Variants in CEP83 observed in about 807,000 individuals in gnomAD.
CEP83 encodes the protein centrosomal protein 83.
CEP83 carries 70 observed loss-of-function variants against 101.9 expected under a neutral mutation model. That is an observed-to-expected ratio of 0.69 (90% confidence interval 0.57 to 0.84). The LOEUF (loss-of-function observed/expected upper bound fraction) is 0.84, where lower values mean the gene tolerates loss of function less well. Ranked by LOEUF, CEP83 falls within the 40% of genes least tolerant of loss-of-function variation. The probability of loss-of-function intolerance (pLI) is 0.00; values close to 1 mark genes in which losing one functional copy is unlikely to be tolerated. For synonymous variants in CEP83, 264 were observed against 267.9 expected (o/e 0.99, Z 0.14); for missense variants, 715 against 787.2 (o/e 0.91, Z 1.10).
chr12:94,435,720 C>G (rs900698988), intron 1 of CEP83, among the ~76,000 whole-genome samples: 1 of 152,208 alleles, frequency 6.6e-6, no homozygotes, highest in Non-Finnish European at 1.5e-5. Flanking sequence ...CAGAACAACT[C>G]TGTTCCAACG....
chr12:94,328,484 A>G (rs57041686), intron 14 of CEP83, among the ~76,000 whole-genome samples: 16,340 of 152,206 alleles, frequency 0.11, 1,087 homozygotes, highest in Non-Finnish European at 0.14. Flanking sequence ...AGCAACTCCA[A>G]AGGATTATTT....
At chr12:94,457,591 C>T (rs2067779028) in intron 1 of CEP83, among the ~76,000 whole-genome samples, 2 of 152,106 alleles carry the variant, frequency 1.3e-5, no homozygotes, top group Admixed American at 1.3e-4. Flanking sequence ...TTCATTACTT[C>T]AACATCAGCA....
At position 94,411,865 on chromosome 12, in the gene CEP83, G is replaced by T. The variant is rs2063904512; in HGVS notation, c.174-18C>A. 1 of 1,596,094 alleles carries T rather than the reference G, an allele frequency of 6.3e-7. No homozygotes were observed. Among genetic ancestry groups the T allele is most frequent in the Non-Finnish European group, 8.6e-7 (1 of 1,169,370 alleles). ...TCTGCAACCTGGTTTTTTTTAAAGA[G>T]AATTCAATTTTGAGTAAATCCTTTC... On this transcript the variant is annotated intron_variant, in intron 3 of 16. Coordinates refer to ENST00000397809, the MANE Select transcript of CEP83 (RefSeq NM_016122.3).
At chr12:94,298,602 C>G in the CEP83 span, 1 of 1,546,672 alleles carries the variant, frequency 6.5e-7, no homozygotes, top group Non-Finnish European at 8.7e-7. Context: ...AGTTTTTAAT[C>G]TCCCAAATCT....
the CEP83 span, among the ~76,000 whole-genome samples, chr12:94,291,492 A>G: frequency 6.6e-6 from 1 of 152,206 alleles, no homozygotes; most frequent in African/African-American, 2.4e-5. Flanking sequence ...TGGCTTCCCA[A>G]AGAGCTGGGA....
intron 7 of CEP83, among the ~76,000 whole-genome samples, chr12:94,376,702 C>T (rs926532333): frequency 3.4e-4 from 40 of 119,148 alleles, no homozygotes; most frequent in African/African-American, 1.1e-3. Flanking sequence ...CACACACACA[C>T]ACACACACAC....
intron 1 of CEP83, among the ~76,000 whole-genome samples, chr12:94,451,163 G>C (rs537128172): frequency 6.6e-6 from 1 of 152,004 alleles, no homozygotes; most frequent in South Asian, 2.1e-4. Context: ...TCAAATGCAC[G>C]GTTAATTCAA....
chr12:94,365,769 GA>G (rs766001301), intron 11 of CEP83, among the ~76,000 whole-genome samples: 3,706 of 70,720 alleles, frequency 0.052, 99 homozygotes, highest in African/African-American at 0.15. Flanking sequence ...GACTGTGTTT[GA>G]AAAAAAAAAA....
At chr12:94,415,809 A>G (rs2064224635) in intron 2 of CEP83, among the ~76,000 whole-genome samples, 1 of 152,160 alleles carries the variant, frequency 6.6e-6, no homozygotes, top group East Asian at 1.9e-4. Flanking sequence ...AAAAATAATC[A>G]GTAAGAACAC....
intron 1 of CEP83, among the ~76,000 whole-genome samples, chr12:94,439,249 C>G (rs1242961199): frequency 6.6e-6 from 1 of 152,040 alleles, no homozygotes; most frequent in Non-Finnish European, 1.5e-5. Flanking sequence ...AAAAAGCTGG[C>G]TCTTTGAAAA....
chr12:94,389,743 G>C (rs530595064), intron 6 of CEP83, among the ~76,000 whole-genome samples: 1 of 152,276 alleles, frequency 6.6e-6, no homozygotes, highest in Middle Eastern at 3.4e-3. Flanking sequence ...AGACTACCTG[G>C]AAAAACAGGA....
chr12:94,345,592 T>C (rs2059898282), intron 11 of CEP83, among the ~76,000 whole-genome samples: 1 of 152,076 alleles, frequency 6.6e-6, no homozygotes, highest in East Asian at 1.9e-4. Context: ...ACTAAAAATA[T>C]ACTCCAATCT....
chr12:94,267,249 A>G, the CEP83 span, among the ~76,000 whole-genome samples: 1 of 152,230 alleles, frequency 6.6e-6, no homozygotes, highest in Non-Finnish European at 1.5e-5. Flanking sequence ...AAAGGAGAAG[A>G]TGGGTTGGAA....
chr12:94,421,021 G>A (rs780442271), intron 2 of CEP83, among the ~76,000 whole-genome samples: 2 of 151,746 alleles, frequency 1.3e-5, no homozygotes, highest in Non-Finnish European at 2.9e-5. Flanking sequence ...ACATTGTTGT[G>A]TACTTTTCTA....
Position 94,334,886 on chromosome 12 carries a change from T to C in CEP83, c.1419+703A>G, listed in dbSNP as rs566488684. 1.2e-3 allele frequency among the ~76,000 whole-genome samples: 179 copies of C among 152,256 alleles called. 1 individual carries two copies. The South Asian group carries it at 0.017, about 15-fold the overall frequency. ...TTAATACCTCTCCATATGCATAGCA[T>C]GACAGAAAGCCCAAATGCCAATGAT... On this transcript the variant is annotated intron_variant, in intron 12 of 16. Transcript: ENST00000397809.
chr12:94,339,720 A>G (rs1399576984), intron 11 of CEP83, among the ~76,000 whole-genome samples: 1 of 152,238 alleles, frequency 6.6e-6, no homozygotes, highest in Admixed American at 6.5e-5. Flanking sequence ...TAGCCTTCTT[A>G]TACCAACCTT....
intron 1 of CEP83, among the ~76,000 whole-genome samples, chr12:94,450,232 T>A (rs986576401): frequency 1.3e-5 from 2 of 152,220 alleles, no homozygotes; most frequent in African/African-American, 4.8e-5. Context: ...TGATCATCTA[T>A]GTACAAACAA....
chr12:94,349,615 C>T (rs1165418940), intron 11 of CEP83, among the ~76,000 whole-genome samples: 1 of 152,200 alleles, frequency 6.6e-6, no homozygotes, highest in Non-Finnish European at 1.5e-5. Flanking sequence ...TAGAAGGACA[C>T]TACCTCAACA....
intron 11 of CEP83, among the ~76,000 whole-genome samples, chr12:94,356,725 C>T (rs113644553): frequency 0.042 from 6,429 of 152,244 alleles, 410 homozygotes; most frequent in African/African-American, 0.14. Context: ...TTACTGTTTC[C>T]AGTCGGATGA....
Sources: gnomAD v4.1 joint callset for allele counts (sites outside exome capture counted in the v4.1 genomes callset) on GRCh38, gnomAD v4.1.1 for gene constraint, MANE v1.5 for transcripts, NCBI Gene and HGNC (gene_info 2026-07-23, HGNC 2026-07-21) for gene names.